NEBL: variants seen among roughly 807,000 people sequenced by gnomAD.
NEBL encodes the protein LIM and SH3 protein 2.
NEBL carries 122 observed loss-of-function variants against 140.2 expected under a neutral mutation model. That is an observed-to-expected ratio of 0.87 (90% CI 0.75 to 1.01). The LOEUF (loss-of-function observed/expected upper bound fraction) is 1.01, where lower values mean the gene tolerates loss of function less well. NEBL is among the 50% of genes least tolerant of loss of function. NEBL has a pLI of 0.00. For missense variants in NEBL, 1,365 were observed against 1,231.3 expected (o/e 1.11, Z -1.62); for synonymous variants, 436 against 398.9 (o/e 1.09, Z -1.11).
At chr10:21,261,274 A>C (rs1032961681) in intron 1 of NEBL, among the ~76,000 whole-genome samples, 1 of 152,206 alleles carries the variant, frequency 6.6e-6, no homozygotes, top group African/African-American at 2.4e-5. Context: ...AGAGTCTCTA[A>C]AAAGAAAGGA....
At chr10:20,932,465 C>T (rs1235898186) in intron 4 of NEBL, among the ~76,000 whole-genome samples, 4 of 152,136 alleles carry the variant, frequency 2.6e-5, no homozygotes, top group African/African-American at 4.8e-5. Flanking sequence ...GGACAAACAA[C>T]TAATGTATGA....
chr10:20,982,731 A>G (rs1837102670), intron 3 of NEBL, among the ~76,000 whole-genome samples: 1 of 152,136 alleles, frequency 6.6e-6, no homozygotes, highest in African/African-American at 2.4e-5. Context: ...TTCCCCCCCA[A>G]AAAATTTCTC....
chr10:21,057,481 T>C (rs1274586208), intron 2 of NEBL, among the ~76,000 whole-genome samples: 3 of 148,778 alleles, frequency 2.0e-5, no homozygotes, highest in African/African-American at 7.4e-5. Flanking sequence ...TACTACAAAC[T>C]AGTTTTCAAA....
chr10:20,845,513 G>A, intron 11 of NEBL, 145 bp from the exon 12 acceptor site: 1 of 592,284 alleles, frequency 1.7e-6, no homozygotes, highest in Non-Finnish European at 3.0e-6. Context: ...AGGGAAATAA[G>A]TTCAACTTTG....
intron 2 of NEBL, among the ~76,000 whole-genome samples, chr10:21,141,762 T>C (rs1442106486): frequency 6.6e-6 from 1 of 152,232 alleles, no homozygotes; most frequent in African/African-American, 2.4e-5. Flanking sequence ...ATCTGAAGTA[T>C]GTTAATCTTT....
chr10:21,140,007 A>T (rs933521206), intron 2 of NEBL, among the ~76,000 whole-genome samples: 2 of 142,868 alleles, frequency 1.4e-5, no homozygotes, highest in Non-Finnish European at 3.1e-5. Flanking sequence ...AAAAAAAAAA[A>T]TACAAAAATT....
intron 2 of NEBL, among the ~76,000 whole-genome samples, chr10:20,892,832 A>C (rs1293589382): frequency 6.6e-6 from 1 of 152,214 alleles, no homozygotes; most frequent in Non-Finnish European, 1.5e-5. Flanking sequence ...CTTAACTGAA[A>C]GTATCTGGAA....
intron 5 of NEBL, among the ~76,000 whole-genome samples, chr10:20,875,320 A>G (rs1024515337): frequency 1.3e-5 from 2 of 151,996 alleles, no homozygotes; most frequent in Admixed American, 1.3e-4. Context: ...TTAAATCCTC[A>G]CTTCATCCCT....
intron 4 of NEBL, among the ~76,000 whole-genome samples, chr10:20,917,387 T>G (rs558027108): frequency 6.6e-6 from 1 of 152,232 alleles, no homozygotes; most frequent in Non-Finnish European, 1.5e-5. Flanking sequence ...AAAGAATTTT[T>G]CATCTTTTTC....
chr10:20,944,402 T>C (rs921298683), intron 4 of NEBL, among the ~76,000 whole-genome samples: 3 of 151,968 alleles, frequency 2.0e-5, no homozygotes, highest in South Asian at 2.1e-4. Context: ...CCCTGTCTCA[T>C]AATAAAATAA....
intron 3 of NEBL, among the ~76,000 whole-genome samples, chr10:20,966,968 T>C (rs1836342007): frequency 6.6e-6 from 1 of 152,174 alleles, no homozygotes; most frequent in South Asian, 2.1e-4. Context: ...AGGTCATAAA[T>C]GGTATGTTTA....
intron 1 of NEBL, among the ~76,000 whole-genome samples, chr10:21,290,588 C>A (rs757770928): frequency 6.6e-6 from 1 of 152,166 alleles, no homozygotes; most frequent in East Asian, 1.9e-4. Flanking sequence ...AATGTTCAGA[C>A]AAACTTTTCT....
intron 22 of NEBL, 65 bp downstream of exon 22, chr10:20,815,560 G>A: frequency 8.2e-7 from 1 of 1,223,772 alleles, no homozygotes; most frequent in Non-Finnish European, 1.2e-6. Context: ...AAGCAAAGGA[G>A]GACCGCAAGT....
intron 2 of NEBL, among the ~76,000 whole-genome samples, chr10:21,160,904 T>A (rs554654269): frequency 4.0e-5 from 6 of 151,792 alleles, no homozygotes; most frequent in African/African-American, 1.4e-4. Context: ...AATGTGTATA[T>A]GGTCTGATGT....
At chr10:21,127,374 T>A (rs1268037174) in intron 2 of NEBL, among the ~76,000 whole-genome samples, 1 of 152,096 alleles carries the variant, frequency 6.6e-6, no homozygotes, top group East Asian at 1.9e-4. Context: ...TCTAGAGAAG[T>A]CCATTGCAAA....
rs538361135 is a variant in NEBL, at chr10:21,206,473, C to A, written n.349-33996G>T. ...AAATAAGTTGTAGCCATGAATTTAG[C>A]CCCCAGGGGCTGAGATCTAACCAGG... On this transcript the variant is annotated intron_variant and non_coding_transcript_variant, in intron 3 of 8. Transcript: ENST00000675702. Among the ~76,000 whole-genome samples the A allele has an allele frequency of 7.2e-5, 11 of 152,252 alleles. No homozygotes were observed. The South Asian group carries it at 2.3e-3, about 32-fold the overall frequency.
At chr10:21,151,299 C>T (rs775637188) in intron 2 of NEBL, among the ~76,000 whole-genome samples, 32 of 152,196 alleles carry the variant, frequency 2.1e-4, no homozygotes, top group Non-Finnish European at 4.6e-4. Flanking sequence ...TGCGTCACCA[C>T]TCATGTGGTG....
intron 2 of NEBL, among the ~76,000 whole-genome samples, chr10:21,044,736 C>T (rs1025503349): frequency 1.3e-5 from 2 of 152,136 alleles, no homozygotes; most frequent in Admixed American, 6.5e-5. Flanking sequence ...GCCCCTGCTC[C>T]GTAAGCTCTT....
At chr10:21,179,452 C>T (rs1381343398), upstream of NEBL, among the ~76,000 whole-genome samples, 3 of 152,046 alleles carry the variant, frequency 2.0e-5, no homozygotes, top group Non-Finnish European at 4.4e-5. Flanking sequence ...CATTTCATCC[C>T]CCTTACCCCT....
Sources: allele counts gnomAD v4.1 joint callset (sites outside exome capture counted in the v4.1 genomes callset), GRCh38; gene constraint gnomAD v4.1.1; transcripts MANE v1.5; gene names NCBI Gene and HGNC (gene_info 2026-07-23, HGNC 2026-07-21).